The following CEMIP variants were observed in gnomAD, a reference collection of about 807,000 sequenced individuals.
The protein encoded by CEMIP is cell migration-inducing and hyaluronan-binding protein.
A neutral mutation model predicts 156.9 loss-of-function variants in CEMIP; 105 were observed. The observed-to-expected ratio is 0.67, with a 90% CI of 0.57 to 0.79. The LOEUF is 0.79. Among genes scored for constraint, CEMIP ranks in the 30% least tolerant of loss-of-function variants. CEMIP has a pLI of 0.00. For synonymous variants in CEMIP, 676 were observed against 668.4 expected (o/e 1.01, Z -0.17); for missense variants, 1,457 against 1,769.4 (o/e 0.82, Z 3.17).
In CEMIP at chr15:80,881,145, T is replaced by C. The variant is rs1596154879; in HGVS notation, c.617+9T>C. 6.2e-7 allele frequency: 1 copy of C among 1,610,194 alleles called. No homozygotes were observed. Among genetic ancestry groups the C allele is most frequent in the East Asian group, 2.2e-5 (1 of 44,856 alleles). On this transcript the variant is annotated intron_variant, in intron 6 of 29. Coordinates refer to ENST00000394685, the MANE Select transcript of CEMIP (RefSeq NM_001293298.2). Reference sequence around the variant, plus strand: ...GTCATCCATTCTGACCGGTAAGGTTTGCCTTCACTTAAACGTATACTCATT... The same window carrying C: ...GTCATCCATTCTGACCGGTAAGGTTCGCCTTCACTTAAACGTATACTCATT...
At position 80,894,956 on chromosome 15, in the gene CEMIP, C is replaced by A. The variant is rs553989518; in HGVS notation, c.1087-34C>A. On this transcript the variant is annotated intron_variant, in intron 10 of 29. Transcript: ENST00000394685. ...ACCTTCCTTCTCTATAAAAAAAAAACGACTTTGCTCTGTAATTTCTGTGTC... is the reference window on the plus strand; with the variant it reads ...ACCTTCCTTCTCTATAAAAAAAAAAAGACTTTGCTCTGTAATTTCTGTGTC... 5.0e-6 allele frequency: 8 copies of A among 1,607,148 alleles called. No homozygotes were observed. The Admixed American group carries it at 5.0e-5, about 10-fold the overall frequency.
intron 10 of CEMIP, 95 bp downstream of exon 10, chr15:80,889,687 T>A: frequency 1.3e-6 from 2 of 1,521,678 alleles, no homozygotes. Context: ...GGTGCTGTGA[T>A]TCTCGTTGCC....
chr15:80,847,788 G>A (rs947434213), intron 1 of CEMIP, among the ~76,000 whole-genome samples: 5 of 152,368 alleles, frequency 3.3e-5, no homozygotes, highest in Non-Finnish European at 7.3e-5. Context: ...GTGCAGAAGG[G>A]CGCTGTGGGT....
In CEMIP at chr15:80,938,228, A is replaced by G. The variant is rs1901210092; in HGVS notation, c.3407+249A>G. 6.5e-6 allele frequency: 3 copies of G among 460,980 alleles called. No individual in the cohort carries two copies. The Admixed American group carries it at 1.1e-4, about 17-fold the overall frequency. The allele number at this position is 460,980 out of a possible 1,614,324, so 28.6% of individuals were successfully genotyped here. ...TTGTAGGGAATTTACATATTTCAGA[A>G]AAAAAAAAGTGAAGGCAGTAAATCT... On this transcript the variant is annotated intron_variant, in intron 25 of 29. Coordinates refer to ENST00000394685, the MANE Select transcript of CEMIP (RefSeq NM_001293298.2).
chr15:80,918,557 A>G (rs963331905), intron 14 of CEMIP, among the ~76,000 whole-genome samples: 1 of 152,140 alleles, frequency 6.6e-6, no homozygotes, highest in Admixed American at 6.5e-5. Flanking sequence ...GCTGGTCGGT[A>G]TGTGGATTTT....
At chr15:80,875,021 A>ATTTTTT (rs755707756) in intron 3 of CEMIP, among the ~76,000 whole-genome samples, 2 of 64,960 alleles carry the variant, frequency 3.1e-5, no homozygotes, top group African/African-American at 6.3e-5. Context: ...AGCAAGTAGC[A>ATTTTTT]TTTTTTTTTT....
intron 6 of CEMIP, 92 bp from the exon 7 acceptor site, chr15:80,884,083 A>G (rs1290829198): frequency 8.2e-7 from 1 of 1,217,196 alleles, no homozygotes; most frequent in Admixed American, 1.7e-5. Context: ...ATCGGATAGC[A>G]TGTTAGCTGT....
intron 1 of CEMIP, among the ~76,000 whole-genome samples, chr15:80,851,789 T>C (rs1897722216): frequency 6.6e-6 from 1 of 151,758 alleles, no homozygotes; most frequent in African/African-American, 2.4e-5. Context: ...ACAGGTGAGG[T>C]TGAGTAGATA....
chr15:80,922,821 G>C (rs1450455664), intron 17 of CEMIP, among the ~76,000 whole-genome samples: 1 of 152,204 alleles, frequency 6.6e-6, no homozygotes, highest in African/African-American at 2.4e-5. Context: ...CAAGACCAGA[G>C]TCATGGGGCA....
At chr15:80,802,423 C>T (rs915129661) in intron 1 of CEMIP, among the ~76,000 whole-genome samples, 3 of 152,190 alleles carry the variant, frequency 2.0e-5, no homozygotes, top group Non-Finnish European at 4.4e-5. Flanking sequence ...CCCCACCCAC[C>T]GAGGCTCCAG....
intron 12 of CEMIP, among the ~76,000 whole-genome samples, chr15:80,902,403 G>C (rs1899602061): frequency 6.6e-6 from 1 of 152,206 alleles, no homozygotes; most frequent in African/African-American, 2.4e-5. Flanking sequence ...ACTTTGAGGA[G>C]GAAGGGAGGA....
At chr15:80,939,643 C>A (rs1434509127) in intron 25 of CEMIP, among the ~76,000 whole-genome samples, 4 of 152,150 alleles carry the variant, frequency 2.6e-5, no homozygotes, top group Non-Finnish European at 5.9e-5. Context: ...ACCTTAAGCA[C>A]ATTTTTTGGT....
intron 1 of CEMIP, among the ~76,000 whole-genome samples, chr15:80,799,701 A>T (rs1231747515): frequency 6.6e-6 from 1 of 152,252 alleles, no homozygotes. Flanking sequence ...ATGGATAAAG[A>T]AAATGTATAT....
chr15:80,803,158 G>A (rs529079185), intron 1 of CEMIP, among the ~76,000 whole-genome samples: 83 of 152,200 alleles, frequency 5.5e-4, no homozygotes, highest in African/African-American at 2.0e-3. Context: ...GTACTTCCTC[G>A]TGTAAAGAAA....
At chr15:80,791,870 G>T (rs1480756850) in intron 1 of CEMIP, among the ~76,000 whole-genome samples, 2 of 152,240 alleles carry the variant, frequency 1.3e-5, no homozygotes, top group Non-Finnish European at 1.5e-5. Context: ...CCCCTTTGGG[G>T]AGGAGGGAGT....
At chr15:80,840,000 G>A (rs1567064984) in intron 1 of CEMIP, among the ~76,000 whole-genome samples, 3 of 152,334 alleles carry the variant, frequency 2.0e-5, no homozygotes, top group Admixed American at 6.5e-5. Context: ...AAGGTGGGGT[G>A]GGACTTGAAG....
chr15:80,933,864 A>C (rs918511411), intron 23 of CEMIP, among the ~76,000 whole-genome samples: 4 of 152,256 alleles, frequency 2.6e-5, no homozygotes, highest in Non-Finnish European at 2.9e-5. Context: ...CTTATCCAAT[A>C]GAAATATAAT....
In CEMIP at chr15:80,835,790, T is replaced by A. The variant is rs368483225; in HGVS notation, c.-175-37748T>A. The stretch of plus-strand genomic sequence containing the variant: ...GTGCTATGATCATCCACAGTCTCCC[T>A]TCTCCCACGGTCTGTTTCTCTCTGC... On this transcript the variant is annotated intron_variant, in intron 1 of 29. Coordinates refer to ENST00000394685, the MANE Select transcript of CEMIP (RefSeq NM_001293298.2). 4.6e-5 allele frequency among the ~76,000 whole-genome samples: 7 copies of A among 152,308 alleles called. 1 individual carries two copies.
At chr15:80,904,539 A>C (rs1042742180) in intron 12 of CEMIP, among the ~76,000 whole-genome samples, 6 of 152,212 alleles carry the variant, frequency 3.9e-5, no homozygotes, top group Non-Finnish European at 7.3e-5. Context: ...GAGATGGGAG[A>C]TTATCTTGGA....
Sources: allele counts gnomAD v4.1 joint callset (sites outside exome capture counted in the v4.1 genomes callset), GRCh38; gene constraint gnomAD v4.1.1; transcripts MANE v1.5; gene names NCBI Gene and HGNC (gene_info 2026-07-23, HGNC 2026-07-21).